MACROD2: variants seen among roughly 807,000 people sequenced by gnomAD.
MACROD2 encodes the protein ADP-ribose glycohydrolase MACROD2.
Under a neutral mutation model 70.4 loss-of-function variants are expected in MACROD2, and 36 were observed. That is an observed-to-expected ratio of 0.51 (90% CI 0.39 to 0.68). The LOEUF (loss-of-function observed/expected upper bound fraction) is 0.68, where lower values mean the gene tolerates loss of function less well. Among genes scored for constraint, MACROD2 ranks in the 30% least tolerant of loss-of-function variants. The pLI is 0.00. For synonymous variants in MACROD2, 172 were observed against 178.8 expected, an observed-to-expected ratio of 0.96 and a Z score of 0.30; for missense variants, 496 against 538.4, an observed-to-expected ratio of 0.92 and a Z score of 0.78.
intron 6 of MACROD2, among the ~76,000 whole-genome samples, chr20:15,328,899 C>T (rs1234932859): frequency 1.3e-5 from 2 of 151,778 alleles, no homozygotes; most frequent in Non-Finnish European, 1.5e-5. Context: ...TAATAGTGTG[C>T]GTATATATGT....
intron 4 of MACROD2, among the ~76,000 whole-genome samples, 195 bp from the exon 5 acceptor site, chr20:14,684,648 A>ACCACCCCCCCCC (rs2070977501): frequency 7.4e-6 from 1 of 134,848 alleles, no homozygotes; most frequent in Non-Finnish European, 1.7e-5. Flanking sequence ...ACATAACCTC[A>ACCACCCCCCCCC]CCCCCCCCCC....
At chr20:15,454,406 AAC>A (rs10523169) in intron 7 of MACROD2, among the ~76,000 whole-genome samples, 26,748 of 136,554 alleles carry the variant, frequency 0.2, 2,793 homozygotes, top group East Asian at 0.47. Flanking sequence ...GACATATTCA[AAC>A]ACACACACAC....
chr20:15,522,670 C>T (rs1005082017), intron 8 of MACROD2, among the ~76,000 whole-genome samples: 4 of 152,076 alleles, frequency 2.6e-5, no homozygotes, highest in Admixed American at 1.3e-4. Flanking sequence ...AGCCCAGCAC[C>T]GTAAGTATAT....
At chr20:15,650,394 T>C (rs549520967) in intron 8 of MACROD2, among the ~76,000 whole-genome samples, 1 of 152,320 alleles carries the variant, frequency 6.6e-6, no homozygotes, top group Admixed American at 6.5e-5. Flanking sequence ...ACTGATCTCC[T>C]TTTTCTCCAT....
At chr20:15,021,032 A>G (rs1429739005) in intron 5 of MACROD2, among the ~76,000 whole-genome samples, 1 of 145,510 alleles carries the variant, frequency 6.9e-6, no homozygotes, top group Non-Finnish European at 1.5e-5. Context: ...ACACATGTGC[A>G]TATACGTATA....
At chr20:15,727,549 G>A (rs1039413683) in intron 8 of MACROD2, among the ~76,000 whole-genome samples, 4 of 151,906 alleles carry the variant, frequency 2.6e-5, no homozygotes, top group Non-Finnish European at 5.9e-5. Flanking sequence ...TTTTAACAAC[G>A]TTGCTTCTTC....
At chr20:15,244,333 A>G (rs1231039028) in intron 6 of MACROD2, among the ~76,000 whole-genome samples, 1 of 152,208 alleles carries the variant, frequency 6.6e-6, no homozygotes, top group African/African-American at 2.4e-5. Context: ...TTAGAGAAAA[A>G]GTACACTAGC....
At chr20:15,139,667 C>T (rs995825188) in intron 5 of MACROD2, among the ~76,000 whole-genome samples, 5 of 151,982 alleles carry the variant, frequency 3.3e-5, no homozygotes, top group African/African-American at 4.8e-5. Context: ...TATTGGTGCT[C>T]GTAAAAACAA....
chr20:15,883,643 T>A (rs1237891614), intron 9 of MACROD2, among the ~76,000 whole-genome samples: 1 of 152,096 alleles, frequency 6.6e-6, no homozygotes, highest in African/African-American at 2.4e-5. Flanking sequence ...GCAGACTGAG[T>A]AAATTTGGCT....
chr20:14,008,090 C>T (rs2148614485), intron 2 of MACROD2, among the ~76,000 whole-genome samples: 1 of 152,280 alleles, frequency 6.6e-6, no homozygotes, highest in African/African-American at 2.4e-5. Context: ...CTCACCACTC[C>T]TATTCAAGAT....
intron 9 of MACROD2, among the ~76,000 whole-genome samples, chr20:15,881,423 T>A (rs2064752909): frequency 6.6e-6 from 1 of 152,090 alleles, no homozygotes; most frequent in Non-Finnish European, 1.5e-5. Context: ...AAAACTGTCC[T>A]CATGCACTAA....
chr20:14,890,767 A>T (rs553447527), intron 5 of MACROD2, among the ~76,000 whole-genome samples: 37 of 69,378 alleles, frequency 5.3e-4, no homozygotes, highest in South Asian at 2.3e-3. Context: ...AGAAAAAAAA[A>T]AATAATAAAA....
chr20:15,542,520 G>T (rs530566245), intron 8 of MACROD2, among the ~76,000 whole-genome samples: 1 of 152,166 alleles, frequency 6.6e-6, no homozygotes, highest in African/African-American at 2.4e-5. Context: ...GGGTGCTTCT[G>T]TGATCTGGGA....
intron 3 of MACROD2, among the ~76,000 whole-genome samples, chr20:14,421,596 G>A (rs1439018491): frequency 6.6e-6 from 1 of 151,974 alleles, no homozygotes; most frequent in Non-Finnish European, 1.5e-5. Context: ...GTTTTTGTTT[G>A]TTGTGATTTT....
chr20:14,161,659 T>C (rs11087077), intron 3 of MACROD2, among the ~76,000 whole-genome samples: 34,893 of 148,614 alleles, frequency 0.23, 4,171 homozygotes, highest in South Asian at 0.29. Flanking sequence ...TCACTGCAAC[T>C]TCCGCCTCCC....
intron 5 of MACROD2, among the ~76,000 whole-genome samples, chr20:15,009,804 A>G (rs1466966021): frequency 2.1e-5 from 3 of 140,448 alleles, no homozygotes; most frequent in Non-Finnish European, 4.6e-5. Flanking sequence ...CACTGAATAC[A>G]TTGTTTCGGC....
chr20:14,938,940 A>ATT lies in MACROD2; in HGVS notation c.418+254002_418+254003dup, dbSNP rs1230863391. 7.2e-4 allele frequency among the ~76,000 whole-genome samples: 62 copies of ATT among 86,460 alleles called. 1 individual carries two copies. Among genetic ancestry groups the ATT allele is most frequent in the African/African-American group, 1.6e-3 (39 of 23,840 alleles). 56.7% of individuals were successfully genotyped at this position (86,460 alleles called of 152,430 possible). A position where few individuals can be genotyped will look rare whatever the true frequency, so the allele number is the denominator to read the frequency against. On this transcript the variant is annotated intron_variant, in intron 5 of 17. Coordinates refer to ENST00000684519, the MANE Select transcript of MACROD2 (RefSeq NM_001351661.2). Reference sequence around the variant, plus strand: ...GATATTTTTTTCATTGTTAAATCAGATTTTTTTTTTTTTTTTTTTTTTACT... The same window carrying ATT: ...GATATTTTTTTCATTGTTAAATCAGATTTTTTTTTTTTTTTTTTTTTTTTACT...
At chr20:14,337,434 C>T in intron 3 of MACROD2, 1 of 331,664 alleles carries the variant, frequency 3.0e-6, no homozygotes, top group Non-Finnish European at 5.4e-6. Context: ...ATCCTATATA[C>T]ACTGCCGCTA....
intron 8 of MACROD2, among the ~76,000 whole-genome samples, chr20:15,782,941 G>A (rs545486560): frequency 1.4e-4 from 21 of 151,756 alleles, no homozygotes; most frequent in African/African-American, 1.7e-4. Flanking sequence ...TTAATGTCCC[G>A]GAGAATACAA....
Sources: gnomAD v4.1 joint callset for allele counts (sites outside exome capture counted in the v4.1 genomes callset) on GRCh38, gnomAD v4.1.1 for gene constraint, MANE v1.5 for transcripts, NCBI Gene and HGNC (gene_info 2026-07-23, HGNC 2026-07-21) for gene names.